The following LIN54 variants were observed in gnomAD, a reference collection of about 807,000 sequenced individuals.
The protein encoded by LIN54 is protein lin-54 homolog.
A neutral mutation model predicts 78.7 loss-of-function variants in LIN54; 9 were observed. That is an observed-to-expected ratio of 0.11 (90% CI 0.07 to 0.20). The LOEUF is 0.20. Among genes scored for constraint, LIN54 ranks in the 10% least tolerant of loss-of-function variants. The pLI is 1.00. For missense variants in LIN54, 573 were observed against 889.9 expected, an observed-to-expected ratio of 0.64 and a Z score of 4.53; for synonymous variants, 269 against 318.4, an observed-to-expected ratio of 0.84 and a Z score of 1.65.
chr4:82,929,811 GAAAAC>G (rs1039043645), intron 12 of LIN54, among the ~76,000 whole-genome samples: 3 of 152,112 alleles, frequency 2.0e-5, no homozygotes, highest in East Asian at 1.9e-4. Context: ...ATCTCAAAAA[GAAAAC>G]AAAACAAAAA....
chr4:82,953,541 T>C (rs1724018921), intron 4 of LIN54, among the ~76,000 whole-genome samples: 1 of 152,014 alleles, frequency 6.6e-6, no homozygotes, highest in Non-Finnish European at 1.5e-5. Flanking sequence ...GATGGGAGGA[T>C]CATTTAAGGC....
chr4:83,004,190 G>A (rs554652343), intron 1 of LIN54, among the ~76,000 whole-genome samples: 1 of 152,108 alleles, frequency 6.6e-6, no homozygotes, highest in Admixed American at 6.6e-5. Context: ...GAGGTCAGGA[G>A]TTTGAGACCA....
chr4:82,947,229 A>ATT (rs1263368630), intron 4 of LIN54, among the ~76,000 whole-genome samples: 6 of 20,660 alleles, frequency 2.9e-4, no homozygotes, highest in African/African-American at 6.9e-4. Context: ...ATATATATAT[A>ATT]TATATATTTT....
chr4:82,980,902 AG>A (rs1190031803), intron 2 of LIN54, among the ~76,000 whole-genome samples: 1 of 152,186 alleles, frequency 6.6e-6, no homozygotes, highest in Non-Finnish European at 1.5e-5. Context: ...CTTATCAGTA[AG>A]AAAAAAATAT....
chr4:82,964,152 G>A (rs868599683), intron 4 of LIN54, among the ~76,000 whole-genome samples: 2 of 151,620 alleles, frequency 1.3e-5, no homozygotes, highest in African/African-American at 4.8e-5. Flanking sequence ...CCAGATTCAA[G>A]AAATTCTCCT....
At chr4:82,962,798 G>GA (rs70943174) in intron 4 of LIN54, among the ~76,000 whole-genome samples, 283 of 149,316 alleles carry the variant, frequency 1.9e-3, no homozygotes, top group East Asian at 0.013. Context: ...GAAACACAAA[G>GA]AAAAAAAAAA....
At chr4:82,973,062 C>A (rs561850335) in intron 3 of LIN54, among the ~76,000 whole-genome samples, 1 of 151,284 alleles carries the variant, frequency 6.6e-6, no homozygotes, top group African/African-American at 2.4e-5. Context: ...ACAAAAGTTT[C>A]ATTATAAATT....
intron 1 of LIN54, among the ~76,000 whole-genome samples, chr4:82,986,224 T>C (rs1037626946): frequency 7.9e-5 from 12 of 151,858 alleles, no homozygotes; most frequent in African/African-American, 2.9e-4. Flanking sequence ...CAAGCGATTC[T>C]CCTGCCTCAG....
intron 1 of LIN54, among the ~76,000 whole-genome samples, chr4:83,001,380 T>C (rs1728755330): frequency 6.9e-6 from 1 of 145,840 alleles, no homozygotes; most frequent in Non-Finnish European, 1.5e-5. Context: ...TGAGATCCCA[T>C]CTCTACAAAA....
Position 82,931,074 on chromosome 4 carries a change from C to A in LIN54, c.1917G>T (p.Lys639Asn). The change falls in exon 12 of 13, where the codon AAG (lysine) becomes AAT (asparagine). Residue 639 changes from lysine to asparagine, a missense_variant. Around this residue, in one of 6 missense-constraint regions of LIN54, gnomAD observed 82 missense variants for 140.8 expected, o/e 0.58. Coordinates refer to ENST00000340417, the MANE Select transcript of LIN54 (RefSeq NM_194282.4). ...CKNFEESPERKTLMHLADAAE... is the reference protein window; with the variant it reads ...CKNFEESPERNTLMHLADAAE... ...CTGCATCTGCCAAATGCATCAATGT[C>A]TTCCTTTCCGGGCTTTCTTCAAAAT... The A allele has an allele frequency of 6.2e-7, 1 of 1,614,202 alleles. No individual in the cohort carries two copies. The highest frequency in any genetic ancestry group is 2.2e-5 in the East Asian group (1 of 44,878).
Position 82,994,459 on chromosome 4 carries a change from G to A in LIN54, c.-32-9583C>T, listed in dbSNP as rs922093831. On this transcript the variant is annotated intron_variant, in intron 1 of 12. Coordinates refer to ENST00000340417, the MANE Select transcript of LIN54 (RefSeq NM_194282.4). ...GTCACCCATGCTGGAGTGCAGTGGC[G>A]CAATCTGGGCTCACTGCAACCTCCA... 7.3e-5 allele frequency among the ~76,000 whole-genome samples: 11 copies of A among 151,502 alleles called. 1 individual carries two copies. The highest frequency in any genetic ancestry group is 2.2e-4 in the African/African-American group (9 of 41,216).
upstream of LIN54, among the ~76,000 whole-genome samples, chr4:83,012,340 G>C (rs112267965): frequency 2.0e-5 from 3 of 152,180 alleles, no homozygotes; most frequent in African/African-American, 7.2e-5. Context: ...TGTACAAAGG[G>C]GCATAGGAAG....
At chr4:82,931,716 T>C (rs1447578428) in intron 11 of LIN54, among the ~76,000 whole-genome samples, 3 of 152,182 alleles carry the variant, frequency 2.0e-5, no homozygotes, top group Admixed American at 6.5e-5. Flanking sequence ...CATGTAAAAA[T>C]ATGTCAAATG....
At chr4:82,993,029 G>GA (rs35355547) in intron 1 of LIN54, among the ~76,000 whole-genome samples, 22,523 of 100,914 alleles carry the variant, frequency 0.22, 2,236 homozygotes, top group South Asian at 0.35. Context: ...CTCTGTCTCA[G>GA]AAAAAAAAAA....
intron 1 of LIN54, among the ~76,000 whole-genome samples, chr4:82,999,829 C>G (rs1728598628): frequency 2.7e-5 from 4 of 149,034 alleles, no homozygotes; most frequent in Admixed American, 2.7e-4. Context: ...TTCCAGTGAC[C>G]AAGAATTCCC....
chr4:82,988,726 G>A (rs1727394827), intron 1 of LIN54, among the ~76,000 whole-genome samples: 1 of 152,192 alleles, frequency 6.6e-6, no homozygotes. Flanking sequence ...TCAGTCTTCT[G>A]TTGGTCTTTT....
At chr4:82,981,506 C>T (rs1269324704) in intron 2 of LIN54, among the ~76,000 whole-genome samples, 1 of 152,076 alleles carries the variant, frequency 6.6e-6, no homozygotes, top group Non-Finnish European at 1.5e-5. Context: ...AAATCATATA[C>T]TCTTTGTAAT....
At chr4:82,928,875 T>C (rs1450581790) in intron 12 of LIN54, among the ~76,000 whole-genome samples, 1 of 152,220 alleles carries the variant, frequency 6.6e-6, no homozygotes, top group African/African-American at 2.4e-5. Context: ...CGAAACCAAA[T>C]GTTCTGTACA....
chr4:82,947,363 C>T (rs193202454), intron 4 of LIN54, among the ~76,000 whole-genome samples: 6 of 147,890 alleles, frequency 4.1e-5, no homozygotes, highest in African/African-American at 7.5e-5. Context: ...CTCCTGAGCA[C>T]GTAGGACCAC....
Sources: gnomAD v4.1 joint callset for allele counts (sites outside exome capture counted in the v4.1 genomes callset) on GRCh38, gnomAD v4.1.1 for gene constraint, gnomAD v4.1.1 regional missense constraint, MANE v1.5 for transcripts, NCBI Gene and HGNC (gene_info 2026-07-23, HGNC 2026-07-21) for gene names.